Variants in BRD7 observed in about 807,000 individuals in gnomAD.
BRD7 encodes the protein bromodomain containing 7, also known as bromodomain-containing protein 7.
Under a neutral mutation model 82.1 loss-of-function variants are expected in BRD7, and 15 were observed. The observed-to-expected ratio is 0.18, with a 90% CI of 0.12 to 0.28. The LOEUF (loss-of-function observed/expected upper bound fraction) is 0.28. Ranked by LOEUF, BRD7 falls within the 10% of genes least tolerant of loss-of-function variation. The pLI is 1.00. For missense variants in BRD7, 638 were observed against 779.9 expected (o/e 0.82, Z 2.17); for synonymous variants, 232 against 266.9 (o/e 0.87, Z 1.27).
chr16:50,367,453 G>A (rs946007243), intron 2 of BRD7, among the ~76,000 whole-genome samples: 28 of 152,182 alleles, frequency 1.8e-4, no homozygotes, highest in African/African-American at 6.8e-4. Flanking sequence ...CGAACTTCCA[G>A]CCTCAAGCAA....
At chr16:50,346,101 C>T (rs930194519) in intron 5 of BRD7, among the ~76,000 whole-genome samples, 1 of 152,212 alleles carries the variant, frequency 6.6e-6, no homozygotes, top group African/African-American at 2.4e-5. Flanking sequence ...AACTAGAACT[C>T]AGGATTAAGA....
At chr16:50,347,386 C>T (rs1190666588) in intron 5 of BRD7, among the ~76,000 whole-genome samples, 27 of 151,916 alleles carry the variant, frequency 1.8e-4, no homozygotes, top group Non-Finnish European at 1.5e-5. Flanking sequence ...TCCTATTTAA[C>T]ATAGTGTTGG....
intron 2 of BRD7, among the ~76,000 whole-genome samples, chr16:50,355,392 C>T (rs1479090926): frequency 1.3e-5 from 2 of 152,230 alleles, no homozygotes; most frequent in Middle Eastern, 3.4e-3. Flanking sequence ...TAATTTACCT[C>T]GAAGAGTGAA....
chr16:50,319,341 T>C (rs2036964666), intron 16 of BRD7, 75 bp from the exon 17 acceptor site: 1 of 1,452,580 alleles, frequency 6.9e-7, no homozygotes, highest in Admixed American at 1.8e-5. Flanking sequence ...AAAGTCAAGC[T>C]GCCATCCAGA....
chr16:50,344,299 A>G (rs767718474), intron 5 of BRD7, among the ~76,000 whole-genome samples: 1 of 152,228 alleles, frequency 6.6e-6, no homozygotes, highest in Non-Finnish European at 1.5e-5. Flanking sequence ...AAAACCACAA[A>G]GACGGGGAGA....
At position 50,351,353 on chromosome 16, in the gene BRD7, C is replaced by A. The variant is rs931342676; in HGVS notation, c.447-1186G>T. ...TGTTTTTCACAGCAGGATGCCTAAG[C>A]AGTGAGACTAAAAAATGACAACAAG... is the stretch of plus-strand genomic sequence containing the variant. On this transcript the variant is annotated intron_variant, in intron 4 of 16. Coordinates refer to ENST00000394688, the MANE Select transcript of BRD7 (RefSeq NM_013263.5). Among the ~76,000 whole-genome samples the A allele has an allele frequency of 2.0e-5, 3 of 152,150 alleles. No homozygotes were observed. In the East Asian group the frequency reaches 5.8e-4, roughly 29 times the overall value.
intron 5 of BRD7, among the ~76,000 whole-genome samples, chr16:50,341,928 T>TCTCACACACACACACA (rs780059612): frequency 1.5e-4 from 21 of 143,660 alleles, no homozygotes; most frequent in South Asian, 4.6e-4. Context: ...TGCACACTTT[T>TCTCACACACACACACA]CACACACACA....
In BRD7 at chr16:50,368,162, C is replaced by T. The variant is rs34398472; in HGVS notation, c.186G>A (p.Lys62=). The T allele has an allele frequency of 1.2e-6, 2 of 1,614,004 alleles. No individual in the cohort carries two copies. Among genetic ancestry groups the T allele is most frequent in the African/African-American group, 1.3e-5 (1 of 74,928 alleles). ...KNDHDKHKDR[K]RKKRKKGEKQ... ...TCTCTCCTTTCTTTCTCTTTTTCCG[C>T]TTTCTGTCCTTGTGTTTGTCATGAT... The change falls in exon 2 of 17, where the codon AAG becomes AAA. Residue 62 remains lysine (K), a synonymous_variant. Coordinates refer to ENST00000394688, the MANE Select transcript of BRD7 (RefSeq NM_013263.5).
At chr16:50,326,645 C>G (rs1034932605) in intron 9 of BRD7, among the ~76,000 whole-genome samples, 7 of 152,104 alleles carry the variant, frequency 4.6e-5, no homozygotes, top group Non-Finnish European at 7.4e-5. Context: ...GTACACTTCA[C>G]TTAAAAAATT....
At chr16:50,338,503 G>A (rs1026690859) in intron 6 of BRD7, among the ~76,000 whole-genome samples, 7 of 152,082 alleles carry the variant, frequency 4.6e-5, no homozygotes, top group African/African-American at 1.4e-4. Flanking sequence ...CATAAAAATC[G>A]AAAAACCACA....
chr16:50,333,514 TAA>T, intron 8 of BRD7, 58 bp downstream of exon 8: 4 of 1,585,680 alleles, frequency 2.5e-6, no homozygotes, highest in South Asian at 2.3e-5. Context: ...ATTTAAAAAC[TAA>T]AAGTTTCAGA....
At chr16:50,354,346 T>C in intron 4 of BRD7, 79 bp downstream of exon 4, 1 of 1,214,624 alleles carries the variant, frequency 8.2e-7, no homozygotes, top group Non-Finnish European at 1.2e-6. Context: ...ATGTTTGGAG[T>C]TAGGCACAAA....
At chr16:50,361,440 C>CTT (rs753737275) in intron 2 of BRD7, among the ~76,000 whole-genome samples, 3 of 152,080 alleles carry the variant, frequency 2.0e-5, no homozygotes, top group Non-Finnish European at 4.4e-5. Flanking sequence ...GCAACTAAAC[C>CTT]AGAAGTCGAC....
chr16:50,353,571 T>C (rs1017799879), intron 4 of BRD7, among the ~76,000 whole-genome samples: 1 of 151,846 alleles, frequency 6.6e-6, no homozygotes, highest in Admixed American at 6.6e-5. Context: ...TAGAGAGATA[T>C]CAAAATAAAT....
At position 50,350,175 on chromosome 16, in the gene BRD7, G is replaced by A. The variant is rs1203135417; in HGVS notation, c.447-8C>T. 3 of 1,562,648 alleles carry A rather than the reference G, an allele frequency of 1.9e-6. No individual in the cohort carries two copies. Among genetic ancestry groups the A allele is most frequent in the Non-Finnish European group, 2.6e-6 (3 of 1,159,740 alleles). On this transcript the variant is annotated splice_region_variant and splice_polypyrimidine_tract_variant and intron_variant, in intron 4 of 16. Transcript: ENST00000394688. Reference sequence around the variant, plus strand: ...AAAGCACTTGGATCTTTTCTGTAAAGATATGCAAAAGACAATGTAATATTT... The same window carrying A: ...AAAGCACTTGGATCTTTTCTGTAAAAATATGCAAAAGACAATGTAATATTT...
intron 12 of BRD7, 119 bp downstream of exon 12, chr16:50,323,468 C>G: frequency 2.3e-6 from 2 of 855,560 alleles, no homozygotes; most frequent in Non-Finnish European, 3.7e-6. Context: ...GCTGGGCTGT[C>G]TTTCAGGGCC....
chr16:50,338,853 A>G (rs570521779), intron 6 of BRD7, among the ~76,000 whole-genome samples: 9 of 152,242 alleles, frequency 5.9e-5, no homozygotes, highest in African/African-American at 2.2e-4. Flanking sequence ...CCTGCCTGCC[A>G]TGGTATGGTA....
At position 50,325,821 on chromosome 16, in the gene BRD7, T is replaced by G; in HGVS notation, c.1258A>C (p.Asn420His). The change falls in exon 11 of 17, where the codon AAT becomes CAT. Residue 420 changes from asparagine to histidine, a missense_variant. Coordinates refer to ENST00000394688, the MANE Select transcript of BRD7 (RefSeq NM_013263.5). ...YAPHYDSTFA[N>H]ISKDDSDLIY... The stretch of plus-strand genomic sequence containing the variant: ...AAATCAGAATCATCCTTGCTGATAT[T>G]TGCAAATGTGGAGTCATAATGCGGT... The G allele has an allele frequency of 6.2e-7, 1 of 1,612,574 alleles. No individual in the cohort carries two copies. The highest frequency in any genetic ancestry group is 1.7e-4 in the Middle Eastern group (1 of 6,010).
Position 50,368,261 on chromosome 16 carries a change from T to C in BRD7, c.87A>G (p.Val29=). ...VEKPLKLVLK[V]GGNEVTELST... Reference sequence around the variant, plus strand: ...AGAGTTCGGTGACTTCGTTCCCTCCTACTTTGAGGACCAGCTTCAAGGGCT... The same window carrying C: ...AGAGTTCGGTGACTTCGTTCCCTCCCACTTTGAGGACCAGCTTCAAGGGCT... Residue 29 remains valine (V), a synonymous_variant, in exon 2 of 17, where the codon GTA becomes GTG. Coordinates refer to ENST00000394688, the MANE Select transcript of BRD7 (RefSeq NM_013263.5). 5 of 1,614,122 alleles carry C rather than the reference T, an allele frequency of 3.1e-6. No individual in the cohort carries two copies. The highest frequency in any genetic ancestry group is 2.5e-6 in the Non-Finnish European group (3 of 1,180,022).
Sources: allele counts gnomAD v4.1 joint callset (sites outside exome capture counted in the v4.1 genomes callset), GRCh38; gene constraint gnomAD v4.1.1; transcripts MANE v1.5; gene names NCBI Gene and HGNC (gene_info 2026-07-23, HGNC 2026-07-21).